The following LPO variants were observed in gnomAD, a reference collection of about 807,000 sequenced individuals.
The protein encoded by LPO is salivary peroxidase.
A neutral mutation model predicts 68.4 loss-of-function variants in LPO; 70 were observed. The observed-to-expected ratio is 1.02, with a 90% CI of 0.84 to 1.25. The LOEUF (loss-of-function observed/expected upper bound fraction) is 1.25, where lower values mean the gene tolerates loss of function less well. LPO is among the 50% of genes most tolerant of loss of function. The pLI, the probability that LPO is intolerant of heterozygous loss-of-function variation, is 0.00. For synonymous variants in LPO, 360 were observed against 357.6 expected, an observed-to-expected ratio of 1.01 and a Z score of -0.08; for missense variants, 873 against 908.4, an observed-to-expected ratio of 0.96 and a Z score of 0.50.
Position 58,249,687 on chromosome 17 carries a change from C to A in LPO, c.565C>A (p.Leu189Ile). The A allele has an allele frequency of 6.4e-7, 1 of 1,570,656 alleles. No homozygotes were observed. Among genetic ancestry groups the A allele is most frequent in the South Asian group, 1.2e-5 (1 of 86,924 alleles). Reference protein sequence around the residue: ...TPGKTRNGFPLPLAREVSNKI... With the variant: ...TPGKTRNGFPIPLAREVSNKI... ...GGGGAAGACGCGCAACGGCTTCCCTCTCCCGCTGGTGAGGGCAGGCCGGGC... is the reference window on the plus strand; with the variant it reads ...GGGGAAGACGCGCAACGGCTTCCCTATCCCGCTGGTGAGGGCAGGCCGGGC... Residue 189 changes from leucine to isoleucine, a missense_variant, in exon 6 of 13, where the codon CTC (leucine) becomes ATC (isoleucine). Physicochemically the swap from Leu to Ile is conservative, Grantham distance 5. Coordinates refer to ENST00000262290, the MANE Select transcript of LPO (RefSeq NM_006151.3).
rs545987006 is a variant in LPO at position 58,248,798 on chromosome 17, G to A, written c.326-262G>A. The stretch of plus-strand genomic sequence containing the variant: ...TATACCAGGAATTACTAGCAATTCT[G>A]GGGACATTCCCAGTTACTCTGTGTG... On this transcript the variant is annotated intron_variant, in intron 4 of 12. Coordinates refer to ENST00000262290, the MANE Select transcript of LPO (RefSeq NM_006151.3). Among the ~76,000 whole-genome samples, 3 of 152,266 alleles carry A rather than the reference G, an allele frequency of 2.0e-5. No homozygotes were observed. The South Asian group carries it at 6.2e-4, about 32-fold the overall frequency.
chr17:58,248,561 C>T (rs972604687), intron 4 of LPO, among the ~76,000 whole-genome samples: 1 of 152,176 alleles, frequency 6.6e-6, no homozygotes, highest in Non-Finnish European at 1.5e-5. Context: ...TCTGTCACTC[C>T]TCCCACAACC....
At chr17:58,249,535 C>A in intron 5 of LPO, 31 bp from the exon 6 acceptor site, 1 of 1,597,116 alleles carries the variant, frequency 6.3e-7, no homozygotes, top group South Asian at 1.1e-5. Context: ...GCCGGCCTGC[C>A]GAAGCTCAGC....
At chr17:58,242,160 G>T (rs1433344916) in intron 1 of LPO, among the ~76,000 whole-genome samples, 1 of 152,212 alleles carries the variant, frequency 6.6e-6, no homozygotes, top group Non-Finnish European at 1.5e-5. Flanking sequence ...CTCCTCAGAA[G>T]ATGTATGGGG....
chr17:58,258,113 G>A (rs981315035), intron 9 of LPO, among the ~76,000 whole-genome samples: 3 of 152,066 alleles, frequency 2.0e-5, no homozygotes, highest in Non-Finnish European at 2.9e-5. Context: ...TTTGTTGATT[G>A]TATCCTTTGT....
Position 58,252,093 on chromosome 17 carries a change from T to C in LPO, c.781-89T>C. 5 of 1,239,722 alleles carry C rather than the reference T, an allele frequency of 4.0e-6. No individual in the cohort carries two copies. The South Asian group carries it at 6.6e-5, about 16-fold the overall frequency. 76.8% of individuals were successfully genotyped at this position (1,239,722 alleles called of 1,614,324 possible). A position where few individuals can be genotyped will look rare whatever the true frequency, so the allele number is the denominator to read the frequency against. The stretch of plus-strand genomic sequence containing the variant: ...GGGTCCTAGGAGGGTGCCATCAGCA[T>C]CTTTGCATCCAGACTTGCCCTGGGG... On this transcript the variant is annotated intron_variant, in intron 7 of 12. Transcript: ENST00000262290.
chr17:58,243,897 G>T (rs1324642510), intron 2 of LPO, 97 bp from the exon 3 acceptor site: 4 of 776,778 alleles, frequency 5.1e-6, no homozygotes, highest in Non-Finnish European at 9.1e-6. Context: ...TTTGAGGGGT[G>T]GGGGTAATGG....
At chr17:58,255,596 C>T (rs1970056323) in intron 9 of LPO, among the ~76,000 whole-genome samples, 1 of 152,114 alleles carries the variant, frequency 6.6e-6, no homozygotes, top group Non-Finnish European at 1.5e-5. Context: ...GGCGCAGCAC[C>T]GAGCAGAGGG....
Position 58,244,090 on chromosome 17 carries a change from GACACACACACACACACACACACAC to G in LPO, c.164+28_164+51del, listed in dbSNP as rs67390833. ...CTGGACTCCCGAACCAGGTACGTGA[GACACACACACACACACACACACAC>G]ACACACACACACACACACTTCCCTT... On this transcript the variant is annotated intron_variant, in intron 3 of 12. Transcript: ENST00000262290. 175 of 1,061,334 alleles carry G rather than the reference GACACACACACACACACACACACAC, an allele frequency of 1.6e-4. No homozygotes were observed. The highest frequency in any genetic ancestry group is 2.2e-4 in the Non-Finnish European group (152 of 706,952). The allele number at this position is 1,061,334 out of a possible 1,614,324, so 65.7% of individuals were successfully genotyped here.
chr17:58,246,153 G>T (rs573480128), intron 3 of LPO, among the ~76,000 whole-genome samples: 45 of 152,338 alleles, frequency 3.0e-4, no homozygotes, highest in African/African-American at 1.0e-3. Context: ...GGGCATGGGG[G>T]TGGCATTCCA....
chr17:58,257,548 G>A (rs1248040680), intron 9 of LPO, among the ~76,000 whole-genome samples: 1 of 152,138 alleles, frequency 6.6e-6, no homozygotes, highest in Non-Finnish European at 1.5e-5. Flanking sequence ...ATCTGTTGAT[G>A]GACACAAGTT....
chr17:58,238,832 G>A (rs1567814471), intron 1 of LPO, 93 bp downstream of exon 1: 1 of 152,102 alleles, frequency 6.6e-6, no homozygotes, highest in Non-Finnish European at 1.5e-5. Context: ...ACTGGATTTA[G>A]ACTTGTCTCT....
intron 9 of LPO, among the ~76,000 whole-genome samples, chr17:58,262,221 C>T (rs1427014003): frequency 2.6e-5 from 4 of 152,080 alleles, no homozygotes; most frequent in Non-Finnish European, 5.9e-5. Flanking sequence ...CTGAGTCTTC[C>T]TTTGTGTGAG....
At position 58,267,771 on chromosome 17, in the gene LPO, A is replaced by T. The variant is rs1475936430; in HGVS notation, c.1932-16A>T. ...AGCGGCCAGACTGTGGAGTGACTCT[A>T]CTTCTGTCTCTGCAGGTTCTGGTGG... On this transcript the variant is annotated splice_polypyrimidine_tract_variant and intron_variant, in intron 12 of 12. Transcript: ENST00000262290. 12 of 1,610,962 alleles carry T rather than the reference A, an allele frequency of 7.4e-6. No homozygotes were observed. In the East Asian group the frequency reaches 2.7e-4, roughly 36 times the overall value.
chr17:58,243,137 T>C, intron 2 of LPO, 82 bp downstream of exon 2: 1 of 1,363,710 alleles, frequency 7.3e-7, no homozygotes, highest in Non-Finnish European at 1.0e-6. Flanking sequence ...CAGAAATGTA[T>C]TCTCTCACAG....
At position 58,252,502 on chromosome 17, in the gene LPO, G is replaced by A; in HGVS notation, c.1101G>A (p.Leu367=). The A allele has an allele frequency of 6.2e-7, 1 of 1,610,470 alleles. No individual in the cohort carries two copies. Among genetic ancestry groups the A allele is most frequent in the Non-Finnish European group, 8.5e-7 (1 of 1,177,570 alleles). The change falls in exon 8 of 13, where the codon CTG becomes CTA. Residue 367 remains leucine (L), a synonymous_variant. Transcript: ENST00000262290. ...CCACTGCCCGTGTGCCCTGCTTCCTGGCAGGTGAGTCTAGCCTGGGAACAG... is the reference window on the plus strand; with the variant it reads ...CCACTGCCCGTGTGCCCTGCTTCCTAGCAGGTGAGTCTAGCCTGGGAACAG... ...INTTARVPCF[L]AGDSRASEHI... is the part of the protein sequence containing the mutation.
intron 1 of LPO, among the ~76,000 whole-genome samples, chr17:58,240,305 T>C (rs1362970502): frequency 6.6e-6 from 1 of 152,206 alleles, no homozygotes; most frequent in Non-Finnish European, 1.5e-5. Flanking sequence ...TAGTGCTTCA[T>C]GTCCCAGGGA....
intron 12 of LPO, 85 bp from the exon 13 acceptor site, chr17:58,267,702 C>T (rs1014408879): frequency 6.6e-5 from 98 of 1,474,286 alleles, no homozygotes; most frequent in Non-Finnish European, 9.1e-5. Flanking sequence ...TTTTCATGGT[C>T]CCTGTGACCC....
chr17:58,249,248 C>T (rs1197703744), intron 5 of LPO, 71 bp downstream of exon 5: 1 of 1,387,934 alleles, frequency 7.2e-7, no homozygotes, highest in Non-Finnish European at 1.0e-6. Flanking sequence ...GCCTTTGTCC[C>T]TTGGGCACTC....
Sources: allele counts gnomAD v4.1 joint callset (sites outside exome capture counted in the v4.1 genomes callset), GRCh38; gene constraint gnomAD v4.1.1; transcripts MANE v1.5; gene names NCBI Gene and HGNC (gene_info 2026-07-23, HGNC 2026-07-21).